Variants in HMCN2 observed in about 807,000 individuals in gnomAD.
The protein encoded by HMCN2 is hemicentin-2.
In HMCN2, 325 loss-of-function variants were observed where a neutral mutation model predicts 377.5. The ratio of observed to expected loss-of-function variants is 0.86; its 90% confidence interval spans 0.79 to 0.94. The LOEUF (loss-of-function observed/expected upper bound fraction) is 0.94. HMCN2 is among the 40% of genes least tolerant of loss of function. The pLI is 0.00. For missense variants in HMCN2, 4,543 were observed against 4,725.3 expected, an observed-to-expected ratio of 0.96 and a Z score of 1.13; for synonymous variants, 2,007 against 2,046.8, an observed-to-expected ratio of 0.98 and a Z score of 0.53.
intron 7 of HMCN2, among the ~76,000 whole-genome samples, chr9:130,298,335 G>A (rs1397379695): frequency 1.3e-5 from 2 of 152,024 alleles, no homozygotes; most frequent in East Asian, 3.9e-4. Flanking sequence ...GACCAGCCTG[G>A]ACAACACAGC....
At chr9:130,386,294 G>A (rs372294098) in intron 60 of HMCN2, 149 bp from the exon 61 acceptor site, 172 of 346,274 alleles carry the variant, frequency 5.0e-4, no homozygotes, top group African/African-American at 3.1e-3. Flanking sequence ...AGGCCAGAGC[G>A]TCCTGATTCC....
chr9:130,307,593 G>A (rs977855727), intron 14 of HMCN2, 27 bp downstream of exon 14: 7 of 470,986 alleles, frequency 1.5e-5, no homozygotes, highest in Admixed American at 4.7e-5. Flanking sequence ...GGGCCCTGAA[G>A]GAACAGCTTT....
intron 66 of HMCN2, among the ~76,000 whole-genome samples, chr9:130,392,798 C>T (rs950216674): frequency 5.3e-5 from 8 of 152,078 alleles, no homozygotes; most frequent in Admixed American, 1.3e-4. Flanking sequence ...AGATCAAGAC[C>T]ATCCTGGCTA....
intron 15 of HMCN2, 116 bp downstream of exon 15, chr9:130,310,177 A>T (rs1403696048): frequency 6.7e-6 from 2 of 299,140 alleles, no homozygotes; most frequent in Non-Finnish European, 1.4e-5. Context: ...AGATGGCATC[A>T]TGTGGATCCT....
intron 46 of HMCN2, 64 bp from the exon 47 acceptor site, chr9:130,372,230 G>GAAT: frequency 9.4e-6 from 5 of 532,474 alleles, no homozygotes; most frequent in Non-Finnish European, 1.2e-5. Flanking sequence ...GGCAGCAGGG[G>GAAT]GCTCGGCTTG....
chr9:130,333,097 C>A (rs1838513847), intron 22 of HMCN2, among the ~76,000 whole-genome samples: 1 of 152,144 alleles, frequency 6.6e-6, no homozygotes, highest in East Asian at 1.9e-4. Flanking sequence ...GGACAGGGAA[C>A]AGATGCAATT....
rs1364647676 is a variant in HMCN2 at position 130,354,857 on chromosome 9, C to T, written c.4959C>T (p.His1653=). 7.7e-7 allele frequency: 1 copy of T among 1,304,258 alleles called. No homozygotes were observed. The highest frequency in any genetic ancestry group is 1.0e-6 in the Non-Finnish European group (1 of 988,938). The allele number at this position is 1,304,258 out of a possible 1,614,324, so 80.8% of individuals were successfully genotyped here. ...PVALECVARG[H]PSPTLSWHHE... ...CGCTGGAGTGCGTGGCCAGAGGCCA[C>T]CCGTCCCCCACCCTCTCCTGGCACC... The change falls in exon 32 of 98, where the codon CAC becomes CAT. Residue 1653 remains histidine, a synonymous_variant. Transcript: ENST00000683500.
intron 13 of HMCN2, 113 bp from the exon 14 acceptor site, chr9:130,307,340 A>G: frequency 2.2e-6 from 1 of 446,286 alleles, no homozygotes; most frequent in Non-Finnish European, 4.7e-6. Context: ...AGGGGCAGCA[A>G]GGAGGCCGGT....
intron 15 of HMCN2, 127 bp from the exon 16 acceptor site, chr9:130,319,368 G>A (rs1420416954): frequency 6.6e-6 from 1 of 152,338 alleles, no homozygotes; most frequent in Admixed American, 6.5e-5. Flanking sequence ...TGGAGCCCTG[G>A]ACAGGAGTCG....
chr9:130,316,172 C>T (rs1342466516), intron 15 of HMCN2, among the ~76,000 whole-genome samples: 1 of 152,102 alleles, frequency 6.6e-6, no homozygotes, highest in Non-Finnish European at 1.5e-5. Flanking sequence ...GGAATGAGGC[C>T]GAGGAGGACT....
chr9:130,300,282 C>T (rs1044408916), intron 8 of HMCN2, among the ~76,000 whole-genome samples: 2 of 152,162 alleles, frequency 1.3e-5, no homozygotes, highest in Non-Finnish European at 2.9e-5. Flanking sequence ...ACCTGTCCAC[C>T]CACACATCCA....
intron 4 of HMCN2, among the ~76,000 whole-genome samples, chr9:130,290,537 G>A (rs1835695965): frequency 6.6e-6 from 1 of 152,224 alleles, no homozygotes; most frequent in African/African-American, 2.4e-5. Context: ...GGGGGAAGGG[G>A]ACGGTGGTAA....
In HMCN2 at chr9:130,351,152, T is replaced by G. The variant is rs1471908847; in HGVS notation, c.4431-271T>G. On this transcript the variant is annotated intron_variant, in intron 29 of 97. Transcript: ENST00000683500. This position sits in a 1 kb window ranked among gnomAD's most constrained non-coding sequence, Gnocchi z 5.4. Reference sequence around the variant, plus strand: ...GAGTGTGTGGCCTTTTGTGTCTGGCTTCTTCCACTCGGCATATTTTCCAGG... The same window carrying G: ...GAGTGTGTGGCCTTTTGTGTCTGGCGTCTTCCACTCGGCATATTTTCCAGG... Among the ~76,000 whole-genome samples, 1 of 152,202 alleles carries G rather than the reference T, an allele frequency of 6.6e-6. No individual in the cohort carries two copies. Among genetic ancestry groups the G allele is most frequent in the East Asian group, 1.9e-4 (1 of 5,184 alleles).
chr9:130,336,100 TGA>T, intron 22 of HMCN2, among the ~76,000 whole-genome samples: 1 of 150,468 alleles, frequency 6.6e-6, no homozygotes, highest in East Asian at 2.0e-4. Context: ...GAGCAGTGAG[TGA>T]GTGAGAGAGA....
chr9:130,356,285 T>C, intron 34 of HMCN2, 28 bp downstream of exon 34: 1 of 1,275,416 alleles, frequency 7.8e-7, no homozygotes, highest in African/African-American at 1.5e-5. Flanking sequence ...GTTCTGGAGC[T>C]GTGGGCAGCC....
At position 130,433,437 on chromosome 9, in the gene HMCN2, G is replaced by C. The variant is rs763004922; in HGVS notation, c.14984G>C (p.Arg4995Pro). The C allele has an allele frequency of 1.7e-5, 25 of 1,495,504 alleles. No individual in the cohort carries two copies. In the South Asian group the frequency reaches 2.8e-4, roughly 17 times the overall value. The allele number at this position is 1,495,504 out of a possible 1,614,324, so 92.6% of individuals were successfully genotyped here. Residue 4995 changes from arginine (R) to proline (P), a missense_variant, in exon 98 of 98, where the codon CGC becomes CCC. Transcript: ENST00000683500. ...YRLLPLPLGV[R>P]AHHDVARLTA... ...CTGCTGCCGCTGCCCCTGGGCGTGC[G>C]CGCCCACCACGACGTGGCCCGCCTC...
chr9:130,279,510 G>A (rs1554924887), intron 1 of HMCN2, among the ~76,000 whole-genome samples: 1 of 151,940 alleles, frequency 6.6e-6, no homozygotes, highest in Non-Finnish European at 1.5e-5. Flanking sequence ...GTGCCACCAC[G>A]CCCAGCTAAG....
At chr9:130,299,421 T>G (rs1836348685) in intron 8 of HMCN2, 133 bp downstream of exon 8, 3 of 357,850 alleles carry the variant, frequency 8.4e-6, no homozygotes, top group South Asian at 6.5e-5. Flanking sequence ...TATGGACAGC[T>G]ATTCCCTATA....
At chr9:130,416,111 T>A (rs1194682115) in intron 85 of HMCN2, among the ~76,000 whole-genome samples, 113 of 148,934 alleles carry the variant, frequency 7.6e-4, no homozygotes, top group African/African-American at 2.5e-3. Context: ...TTTTTTTTTT[T>A]TTTTTTTTTT....
Sources: allele counts gnomAD v4.1 joint callset (sites outside exome capture counted in the v4.1 genomes callset), GRCh38; gene constraint gnomAD v4.1.1; non-coding constraint Gnocchi (gnomAD v3.1); transcripts MANE v1.5; gene names NCBI Gene and HGNC (gene_info 2026-07-23, HGNC 2026-07-21).